Variants in RABGAP1L observed in about 807,000 individuals in gnomAD.
RABGAP1L encodes rab GTPase-activating protein 1-like.
A neutral mutation model predicts 137.7 loss-of-function variants in RABGAP1L; 63 were observed. The observed-to-expected ratio is 0.46, with a 90% CI of 0.37 to 0.56. The LOEUF (loss-of-function observed/expected upper bound fraction) is 0.56. Among genes scored for constraint, RABGAP1L ranks in the 20% least tolerant of loss-of-function variants. The pLI, the probability that RABGAP1L is intolerant of heterozygous loss-of-function variation, is 0.00. For synonymous variants in RABGAP1L, 431 were observed against 433.7 expected (o/e 0.99, Z 0.08); for missense variants, 1,095 against 1,244.0 (o/e 0.88, Z 1.80).
In RABGAP1L at chr1:174,833,681, T is replaced by C. The variant is rs371702051; in HGVS notation, c.2340+21721T>C. Among the ~76,000 whole-genome samples the C allele has an allele frequency of 1.5e-4, 22 of 151,672 alleles. No homozygotes were observed. The South Asian group carries it at 4.6e-3, about 32-fold the overall frequency. On this transcript the variant is annotated intron_variant, in intron 19 of 25. Transcript: ENST00000681986. Reference sequence around the variant, plus strand: ...CACTTATTATGTACCCACTAGGTCCTAGTACTGCAGTAGGCACTCCATTCA... The same window carrying C: ...CACTTATTATGTACCCACTAGGTCCCAGTACTGCAGTAGGCACTCCATTCA...
At chr1:174,755,688 C>T (rs576801739) in intron 18 of RABGAP1L, among the ~76,000 whole-genome samples, 71 of 152,206 alleles carry the variant, frequency 4.7e-4, no homozygotes, top group African/African-American at 1.7e-3. Flanking sequence ...TATGCATTAC[C>T]TACCTATACA....
chr1:174,262,184 G>A (rs1673630955), intron 7 of RABGAP1L, among the ~76,000 whole-genome samples: 1 of 152,162 alleles, frequency 6.6e-6, no homozygotes, highest in Admixed American at 6.5e-5. Context: ...GTGGATAACT[G>A]GAAGCTTCTA....
At chr1:174,956,725 G>A (rs1290638431) in intron 19 of RABGAP1L, among the ~76,000 whole-genome samples, 4 of 148,590 alleles carry the variant, frequency 2.7e-5, no homozygotes, top group African/African-American at 5.0e-5. Context: ...TTGGTTCACC[G>A]CAACCTCAGC....
At chr1:174,618,767 G>C (rs1397105227) in intron 13 of RABGAP1L, among the ~76,000 whole-genome samples, 2 of 152,230 alleles carry the variant, frequency 1.3e-5, no homozygotes, top group Non-Finnish European at 2.9e-5. Context: ...CTCCTCAGCA[G>C]CAATGGAACT....
At chr1:174,588,557 A>C (rs974973556) in intron 13 of RABGAP1L, among the ~76,000 whole-genome samples, 1 of 152,092 alleles carries the variant, frequency 6.6e-6, no homozygotes, top group Non-Finnish European at 1.5e-5. Context: ...ATTCTATCTA[A>C]CTATATTTTT....
intron 11 of RABGAP1L, among the ~76,000 whole-genome samples, chr1:174,353,570 C>A (rs895586117): frequency 6.6e-6 from 1 of 152,162 alleles, no homozygotes; most frequent in African/African-American, 2.4e-5. Flanking sequence ...TGCTTTAGCC[C>A]GTGGTGGTGG....
chr1:174,603,038 G>T (rs972901217), intron 13 of RABGAP1L, among the ~76,000 whole-genome samples: 1 of 152,074 alleles, frequency 6.6e-6, no homozygotes, highest in Non-Finnish European at 1.5e-5. Flanking sequence ...TGAAGAGTTA[G>T]GTATTTGTTT....
chr1:174,635,394 C>T lies in RABGAP1L; in HGVS notation c.1711-1981C>T, dbSNP rs73026418. On this transcript the variant is annotated intron_variant, in intron 13 of 25. Transcript: ENST00000681986. ...ACTATTAACTTATCGGAAGAGAGCT[C>T]TTCTGTTGGAGAAAACCTGGCAGTG... is the stretch of plus-strand genomic sequence containing the variant. 5.3e-3 allele frequency among the ~76,000 whole-genome samples: 800 copies of T among 152,282 alleles called. 9 individuals carry two copies. Among genetic ancestry groups the T allele is most frequent in the African/African-American group, 0.018 (756 of 41,564 alleles).
At chr1:174,582,542 G>C (rs1668820538) in intron 13 of RABGAP1L, among the ~76,000 whole-genome samples, 1 of 152,008 alleles carries the variant, frequency 6.6e-6, no homozygotes, top group South Asian at 2.1e-4. Flanking sequence ...GGAGTTTGAG[G>C]CTAGTCTGGG....
chr1:174,903,680 G>T (rs1459901743), intron 19 of RABGAP1L, among the ~76,000 whole-genome samples: 1 of 118 alleles, frequency 8.5e-3, no homozygotes, highest in Non-Finnish European at 0.015. Context: ...GGCTGAGTGC[G>T]GTACTAACGC....
intron 1 of RABGAP1L, among the ~76,000 whole-genome samples, chr1:174,187,740 C>T (rs893132828): frequency 6.6e-6 from 1 of 152,024 alleles, no homozygotes; most frequent in Non-Finnish European, 1.5e-5. Flanking sequence ...GAATTCTGAT[C>T]ATCTTGTAGG....
chr1:174,849,237 C>T (rs1003934316), intron 19 of RABGAP1L, among the ~76,000 whole-genome samples: 1 of 152,110 alleles, frequency 6.6e-6, no homozygotes. Flanking sequence ...CCTATTCGGC[C>T]ATCTTGAAAA....
chr1:174,317,215 G>A (rs1571186049), intron 11 of RABGAP1L, among the ~76,000 whole-genome samples: 1 of 151,930 alleles, frequency 6.6e-6, no homozygotes, highest in African/African-American at 2.4e-5. Context: ...AGCAGAAGGA[G>A]TTTTTTCCCA....
intron 19 of RABGAP1L, chr1:174,935,590 A>G (rs1461147864): frequency 6.6e-6 from 1 of 152,196 alleles, no homozygotes. Flanking sequence ...TGTGATTTCA[A>G]CATTTTTGTG....
intron 11 of RABGAP1L, among the ~76,000 whole-genome samples, chr1:174,357,825 G>A (rs537268083): frequency 1.3e-5 from 2 of 152,314 alleles, no homozygotes; most frequent in Admixed American, 1.3e-4. Flanking sequence ...ACCTGTGCCA[G>A]TAGGCATTCA....
At chr1:174,314,973 G>T (rs1033216596) in intron 11 of RABGAP1L, among the ~76,000 whole-genome samples, 1 of 152,110 alleles carries the variant, frequency 6.6e-6, no homozygotes, top group Non-Finnish European at 1.5e-5. Flanking sequence ...TGCAGCCATT[G>T]GATGAAATAT....
intron 13 of RABGAP1L, among the ~76,000 whole-genome samples, chr1:174,442,361 C>T (rs1654257286): frequency 6.6e-6 from 1 of 151,996 alleles, no homozygotes; most frequent in African/African-American, 2.4e-5. Flanking sequence ...GCCTTTTCAT[C>T]CTTAAACATA....
intron 17 of RABGAP1L, among the ~76,000 whole-genome samples, chr1:174,728,181 G>A (rs897380088): frequency 6.6e-6 from 1 of 152,082 alleles, no homozygotes; most frequent in African/African-American, 2.4e-5. Flanking sequence ...ATTTCTATTT[G>A]TAACTTGTTG....
chr1:174,329,533 G>C (rs1336081146), intron 11 of RABGAP1L, among the ~76,000 whole-genome samples: 1 of 151,932 alleles, frequency 6.6e-6, no homozygotes, highest in African/African-American at 2.4e-5. Flanking sequence ...CAACAAAAGA[G>C]AAAACTACAG....
Sources: allele counts gnomAD v4.1 joint callset (sites outside exome capture counted in the v4.1 genomes callset), GRCh38; gene constraint gnomAD v4.1.1; transcripts MANE v1.5; gene names NCBI Gene and HGNC (gene_info 2026-07-23, HGNC 2026-07-21).